ME3: variants seen among roughly 807,000 people sequenced by gnomAD.
ME3 encodes malic enzyme 3, also known as NADP-dependent malic enzyme, mitochondrial.
In ME3, 48 loss-of-function variants were observed where a neutral mutation model predicts 68.9. That is an observed-to-expected ratio of 0.70 (90% confidence interval 0.55 to 0.89). ME3 has a LOEUF of 0.89. Among genes scored for constraint, ME3 ranks in the 40% least tolerant of loss-of-function variants. ME3 has a pLI of 0.00. For missense variants in ME3, 675 were observed against 797.4 expected (o/e 0.85, Z 1.85); for synonymous variants, 320 against 318.8 (o/e 1.00, Z -0.04).
At chr11:86,570,368 C>G (rs1477068479) in intron 2 of ME3, among the ~76,000 whole-genome samples, 3 of 152,120 alleles carry the variant, frequency 2.0e-5, no homozygotes, top group African/African-American at 7.2e-5. Flanking sequence ...CCTCCTTGTG[C>G]ATATTCCTTC....
At chr11:86,535,314 T>A (rs1955578943) in intron 4 of ME3, among the ~76,000 whole-genome samples, 1 of 152,182 alleles carries the variant, frequency 6.6e-6, no homozygotes, top group South Asian at 2.1e-4. Flanking sequence ...ATCTATGTCG[T>A]CCACTTGGCT....
chr11:86,634,062 A>G (rs911430173), intron 2 of ME3, among the ~76,000 whole-genome samples: 6 of 152,276 alleles, frequency 3.9e-5, no homozygotes, highest in African/African-American at 1.2e-4. Context: ...TCCCTCCCAA[A>G]ATACACCCCT....
At chr11:86,654,156 C>G (rs957241062) in intron 2 of ME3, among the ~76,000 whole-genome samples, 1 of 152,142 alleles carries the variant, frequency 6.6e-6, no homozygotes, top group Non-Finnish European at 1.5e-5. Flanking sequence ...CAGCCGAATT[C>G]TACTAGAGAT....
At chr11:86,508,245 A>G (rs1953230198) in intron 5 of ME3, among the ~76,000 whole-genome samples, 1 of 152,024 alleles carries the variant, frequency 6.6e-6, no homozygotes, top group Admixed American at 6.6e-5. Flanking sequence ...TAGTCTCTCC[A>G]CTACCTAACT....
rs181331638 is a variant in ME3 at position 86,601,821 on chromosome 11, T to A, written c.184-41998A>T. 6.9e-3 allele frequency among the ~76,000 whole-genome samples: 1,041 copies of A among 151,732 alleles called. 6 individuals carry two copies. Among genetic ancestry groups the A allele is most frequent in the African/African-American group, 0.024 (984 of 41,290 alleles). On this transcript the variant is annotated intron_variant, in intron 2 of 14. Coordinates refer to ENST00000543262, the Ensembl canonical transcript of ME3. ...AATATACACCAATAAATAAATGTAA[T>A]CCAGCATATAAACAGAACCAAAGAC...
chr11:86,531,945 G>T (rs1382404551), intron 4 of ME3, among the ~76,000 whole-genome samples: 1 of 150,890 alleles, frequency 6.6e-6, no homozygotes, highest in Non-Finnish European at 1.5e-5. Flanking sequence ...CCTGCACATT[G>T]TGCACATGTA....
At chr11:86,462,003 T>C (rs1950246471) in intron 8 of ME3, among the ~76,000 whole-genome samples, 1 of 152,190 alleles carries the variant, frequency 6.6e-6, no homozygotes, top group African/African-American at 2.4e-5. Context: ...AAATTGGCTA[T>C]AGAGGCAAGA....
chr11:86,518,962 G>A (rs1250594649), intron 4 of ME3, among the ~76,000 whole-genome samples: 8 of 152,218 alleles, frequency 5.3e-5, no homozygotes, highest in Non-Finnish European at 1.2e-4. Context: ...GCGGCAAGGA[G>A]TGTCCCCCAC....
At chr11:86,442,875 T>C (rs1949078075) in exon 14 of ME3, 4 of 1,612,488 alleles carry the variant, frequency 2.5e-6, no homozygotes, top group Non-Finnish European at 3.4e-6. Flanking sequence ...GTGGGTAGAG[T>C]CTCCCCTGGG....
At chr11:86,542,415 G>A (rs1477502491) in intron 4 of ME3, among the ~76,000 whole-genome samples, 2 of 152,196 alleles carry the variant, frequency 1.3e-5, no homozygotes, top group Non-Finnish European at 2.9e-5. Flanking sequence ...TTGAAAAAAA[G>A]TTAGAGGAAT....
intron 2 of ME3, among the ~76,000 whole-genome samples, chr11:86,655,308 G>T (rs1945785044): frequency 6.6e-6 from 1 of 152,074 alleles, no homozygotes; most frequent in Non-Finnish European, 1.5e-5. Flanking sequence ...TAAGCCAAAA[G>T]AACAAAGCTG....
At chr11:86,596,992 TG>T (rs1959596457) in intron 2 of ME3, among the ~76,000 whole-genome samples, 2 of 152,168 alleles carry the variant, frequency 1.3e-5, no homozygotes. Flanking sequence ...AACAGGCAGC[TG>T]GAAAAAGTCT....
chr11:86,663,518 C>T (rs925372496), intron 2 of ME3, among the ~76,000 whole-genome samples: 2 of 152,164 alleles, frequency 1.3e-5, no homozygotes, highest in Admixed American at 6.5e-5. Flanking sequence ...CGGATACCAC[C>T]CCCAAAGGAT....
intron 8 of ME3, among the ~76,000 whole-genome samples, chr11:86,452,068 T>C (rs1361555105): frequency 6.6e-6 from 1 of 152,214 alleles, no homozygotes; most frequent in African/African-American, 2.4e-5. Context: ...ATAGCCAAAA[T>C]GTATGGGTCT....
At chr11:86,599,788 G>A (rs371104516) in intron 2 of ME3, among the ~76,000 whole-genome samples, 2 of 152,130 alleles carry the variant, frequency 1.3e-5, no homozygotes, top group Admixed American at 1.3e-4. Context: ...GAGAGTGGGG[G>A]CCAATATTCA....
At chr11:86,453,010 T>C (rs1052400868) in intron 8 of ME3, among the ~76,000 whole-genome samples, 4 of 152,164 alleles carry the variant, frequency 2.6e-5, no homozygotes, top group Non-Finnish European at 5.9e-5. Context: ...GTTTTTGTTT[T>C]TAATTTCAGA....
intron 2 of ME3, among the ~76,000 whole-genome samples, chr11:86,663,625 T>C (rs1946416602): frequency 6.6e-6 from 1 of 152,208 alleles, no homozygotes; most frequent in Non-Finnish European, 1.5e-5. Context: ...AGTGATCCTT[T>C]TGCAATGGCC....
At chr11:86,566,707 TCA>T (rs1957498749) in intron 2 of ME3, among the ~76,000 whole-genome samples, 2 of 152,200 alleles carry the variant, frequency 1.3e-5, no homozygotes, top group Admixed American at 1.3e-4. Context: ...GGCTGTTACT[TCA>T]CACTCTATTG....
intron 7 of ME3, 135 bp from the exon 8 acceptor site, chr11:86,465,335 T>C (rs1001070475): frequency 1.0e-5 from 7 of 685,742 alleles, no homozygotes; most frequent in Non-Finnish European, 1.9e-5. Flanking sequence ...TCTGTGTTTT[T>C]GCCACTGGTT....
Sources: gnomAD v4.1 joint callset for allele counts (sites outside exome capture counted in the v4.1 genomes callset) on GRCh38, gnomAD v4.1.1 for gene constraint, MANE v1.5 for transcripts, NCBI Gene and HGNC (gene_info 2026-07-23, HGNC 2026-07-21) for gene names.